The following DGKI variants were observed in gnomAD, a reference collection of about 807,000 sequenced individuals.
DGKI encodes the protein DAG kinase iota.
A neutral mutation model predicts 147.5 loss-of-function variants in DGKI; 55 were observed. That is an observed-to-expected ratio of 0.37 (90% CI 0.30 to 0.47). The LOEUF is 0.47. Among genes scored for constraint, DGKI ranks in the 20% least tolerant of loss-of-function variants. The pLI is 1.00. For synonymous variants in DGKI, 469 were observed against 477.1 expected, an observed-to-expected ratio of 0.98 and a Z score of 0.22; for missense variants, 1,007 against 1,323.8, an observed-to-expected ratio of 0.76 and a Z score of 3.71.
intron 1 of DGKI, among the ~76,000 whole-genome samples, chr7:137,753,550 G>A (rs1795580580): frequency 6.6e-6 from 1 of 152,196 alleles, no homozygotes; most frequent in Admixed American, 6.5e-5. Flanking sequence ...AGCAGGAGGA[G>A]GGGAGTTGAG....
At chr7:137,570,380 G>A (rs1428614896) in intron 19 of DGKI, among the ~76,000 whole-genome samples, 3 of 152,026 alleles carry the variant, frequency 2.0e-5, no homozygotes, top group Non-Finnish European at 4.4e-5. Flanking sequence ...TCAATATTGT[G>A]GCAACTGAGT....
At chr7:137,652,779 T>C (rs1822074694) in intron 5 of DGKI, among the ~76,000 whole-genome samples, 1 of 152,230 alleles carries the variant, frequency 6.6e-6, no homozygotes, top group Non-Finnish European at 1.5e-5. Context: ...CTAGCAATTA[T>C]AGCATTCATA....
chr7:137,406,970 T>C lies in DGKI; in HGVS notation c.2920+905A>G, dbSNP rs188517043. ...AAAAGGAGCAAAAAGGATGTGAATG[T>C]TTATGAGTATGCTTACTATCTACAG... On this transcript the variant is annotated intron_variant, in intron 30 of 32. Transcript: ENST00000614521. 6.9e-3 allele frequency among the ~76,000 whole-genome samples: 1,016 copies of C among 148,212 alleles called. 17 individuals carry two copies. The highest frequency in any genetic ancestry group is 0.033 in the Middle Eastern group (9 of 274).
intron 2 of DGKI, among the ~76,000 whole-genome samples, chr7:137,683,396 G>T (rs1243737850): frequency 7.0e-6 from 1 of 141,878 alleles, no homozygotes; most frequent in Non-Finnish European, 1.5e-5. Context: ...TTGTTTTTGA[G>T]ACAGGGCCTT....
chr7:137,813,972 T>C (rs547606470), intron 1 of DGKI, among the ~76,000 whole-genome samples: 1 of 152,326 alleles, frequency 6.6e-6, no homozygotes, highest in Admixed American at 6.5e-5. Context: ...AGGCTCATAA[T>C]GAGGCAAAAT....
At chr7:137,465,374 G>A (rs1011177358) in intron 26 of DGKI, among the ~76,000 whole-genome samples, 1 of 152,174 alleles carries the variant, frequency 6.6e-6, no homozygotes, top group Non-Finnish European at 1.5e-5. Flanking sequence ...TTCTCTGAGT[G>A]AGGATTATTG....
chr7:137,472,413 ATACATATACATATTATATG>A (rs1367417357), intron 23 of DGKI, among the ~76,000 whole-genome samples: 1 of 136,734 alleles, frequency 7.3e-6, no homozygotes, highest in Non-Finnish European at 1.5e-5. Flanking sequence ...ATATGTATAT[ATACATATACATATTATATG>A]TACATATACA....
intron 1 of DGKI, among the ~76,000 whole-genome samples, chr7:137,694,129 G>C (rs1241886829): frequency 6.6e-6 from 1 of 152,094 alleles, no homozygotes; most frequent in Non-Finnish European, 1.5e-5. Context: ...AGACCATCCT[G>C]GCTAACACGG....
At chr7:137,483,844 C>T (rs1344060976) in intron 23 of DGKI, among the ~76,000 whole-genome samples, 4 of 151,974 alleles carry the variant, frequency 2.6e-5, no homozygotes, top group Non-Finnish European at 4.4e-5. Flanking sequence ...TCCAGTCTAT[C>T]GTTGATGGGC....
At chr7:137,782,871 G>A (rs1418408013) in intron 1 of DGKI, among the ~76,000 whole-genome samples, 1 of 152,138 alleles carries the variant, frequency 6.6e-6, no homozygotes, top group Non-Finnish European at 1.5e-5. Context: ...CCACTGGGTG[G>A]CTAGCAAAAC....
At chr7:137,417,940 C>A (rs2113580) in intron 28 of DGKI, among the ~76,000 whole-genome samples, 61,724 of 151,954 alleles carry the variant, frequency 0.41, 13,083 homozygotes, top group East Asian at 0.74. Flanking sequence ...GAACCATGAG[C>A]AATAAATTTC....
rs377291019 is a variant in DGKI, at chr7:137,527,789, T to C, written c.2148-5823A>G. Reference sequence around the variant, plus strand: ...TCACCCTTTAGCCCTGATTTAATAGTAATAATGAATTGCCTTAACTTCTTT... The same window carrying C: ...TCACCCTTTAGCCCTGATTTAATAGCAATAATGAATTGCCTTAACTTCTTT... On this transcript the variant is annotated intron_variant, in intron 20 of 32. Coordinates refer to ENST00000614521, the MANE Select transcript of DGKI (RefSeq NM_001321708.2). 1.1e-4 allele frequency among the ~76,000 whole-genome samples: 17 copies of C among 152,248 alleles called. No individual in the cohort carries two copies. The South Asian group carries it at 3.5e-3, about 32-fold the overall frequency.
intron 21 of DGKI, among the ~76,000 whole-genome samples, chr7:137,512,262 G>C (rs1816604574): frequency 6.6e-6 from 1 of 152,180 alleles, no homozygotes; most frequent in Admixed American, 6.5e-5. Flanking sequence ...GCAATCTTAA[G>C]TGTCCTTGTA....
chr7:137,604,649 C>CA (rs1820108634), intron 10 of DGKI, among the ~76,000 whole-genome samples: 2 of 152,184 alleles, frequency 1.3e-5, no homozygotes, highest in Non-Finnish European at 2.9e-5. Flanking sequence ...GAACAGTGTG[C>CA]AAAGCCAGGG....
At chr7:137,480,540 A>G (rs1473094211) in intron 23 of DGKI, among the ~76,000 whole-genome samples, 1 of 152,168 alleles carries the variant, frequency 6.6e-6, no homozygotes, top group African/African-American at 2.4e-5. Flanking sequence ...GCATGTAGGA[A>G]CAAAGGACAT....
chr7:137,546,848 G>T (rs1266907200), intron 20 of DGKI, among the ~76,000 whole-genome samples: 3 of 152,194 alleles, frequency 2.0e-5, no homozygotes, highest in Admixed American at 6.5e-5. Flanking sequence ...TCCAGCCCAA[G>T]ACTCTCTCTG....
intron 3 of DGKI, among the ~76,000 whole-genome samples, chr7:137,672,717 G>GCC (rs1301213554): frequency 6.9e-6 from 1 of 144,858 alleles, no homozygotes; most frequent in African/African-American, 2.6e-5. Flanking sequence ...TCTAATTCCT[G>GCC]CCCCCATCAC....
intron 6 of DGKI, among the ~76,000 whole-genome samples, chr7:137,636,726 GA>G: frequency 6.6e-6 from 1 of 152,358 alleles, no homozygotes; most frequent in African/African-American, 2.4e-5. Context: ...GAACCGTTAG[GA>G]GGTGTTTGGG....
At chr7:137,587,459 G>A (rs994320520) in intron 12 of DGKI, among the ~76,000 whole-genome samples, 4 of 152,164 alleles carry the variant, frequency 2.6e-5, no homozygotes, top group African/African-American at 7.2e-5. Context: ...CCATTCATGC[G>A]TGCGTTTAAC....
Sources: gnomAD v4.1 joint callset for allele counts (sites outside exome capture counted in the v4.1 genomes callset) on GRCh38, gnomAD v4.1.1 for gene constraint, MANE v1.5 for transcripts, NCBI Gene and HGNC (gene_info 2026-07-23, HGNC 2026-07-21) for gene names.